Variants in ALK observed in about 807,000 individuals in gnomAD.
ALK encodes ALK receptor tyrosine kinase.
In ALK, 74 loss-of-function variants were observed where a neutral mutation model predicts 163.1. The observed-to-expected ratio is 0.45, with a 90% confidence interval of 0.38 to 0.55. The LOEUF is 0.55. ALK is among the 20% of genes least tolerant of loss of function. ALK has a pLI of 0.00. For synonymous variants in ALK, 960 were observed against 843.2 expected, an observed-to-expected ratio of 1.14 and a Z score of -2.40; for missense variants, 2,063 against 2,105.3, an observed-to-expected ratio of 0.98 and a Z score of 0.39.
intron 1 of ALK, among the ~76,000 whole-genome samples, chr2:29,808,000 G>T (rs771230312): frequency 6.6e-6 from 1 of 152,178 alleles, no homozygotes; most frequent in Admixed American, 6.5e-5. Flanking sequence ...GCAAGCTTCA[G>T]GCTTAGAGAC....
chr2:29,775,550 A>C (rs1425988110), intron 1 of ALK, among the ~76,000 whole-genome samples: 2 of 151,564 alleles, frequency 1.3e-5, no homozygotes, highest in Non-Finnish European at 2.9e-5. Flanking sequence ...AAAAAAAAAA[A>C]CAAAAACAAA....
intron 3 of ALK, among the ~76,000 whole-genome samples, chr2:29,573,599 G>A (rs926762748): frequency 4.6e-5 from 7 of 152,116 alleles, no homozygotes; most frequent in Admixed American, 3.3e-4. Context: ...CTGGAACACC[G>A]TCAGGCCCAT....
At chr2:29,422,571 T>C (rs546356300) in intron 4 of ALK, among the ~76,000 whole-genome samples, 19 of 152,378 alleles carry the variant, frequency 1.2e-4, no homozygotes, top group African/African-American at 3.8e-4. Flanking sequence ...GACTCTCTAT[T>C]TTCTGTCTTC....
intron 4 of ALK, among the ~76,000 whole-genome samples, chr2:29,496,487 T>C (rs1672027591): frequency 6.6e-6 from 1 of 152,224 alleles, no homozygotes; most frequent in South Asian, 2.1e-4. Flanking sequence ...TGTTTTTTAA[T>C]GACAGTTTTC....
intron 4 of ALK, among the ~76,000 whole-genome samples, chr2:29,493,124 T>A (rs1671941739): frequency 6.6e-6 from 1 of 152,194 alleles, no homozygotes; most frequent in African/African-American, 2.4e-5. Context: ...TAAGTGGATT[T>A]ACACTTACTT....
At chr2:29,913,143 A>C (rs1172125859) in intron 1 of ALK, among the ~76,000 whole-genome samples, 1 of 152,094 alleles carries the variant, frequency 6.6e-6, no homozygotes. Flanking sequence ...AGAAAAAAAA[A>C]AGACTCTTAA....
intron 9 of ALK, among the ~76,000 whole-genome samples, chr2:29,290,212 C>T (rs781672936): frequency 6.6e-6 from 1 of 152,198 alleles, no homozygotes; most frequent in Non-Finnish European, 1.5e-5. Flanking sequence ...CCCTCTGGGC[C>T]TCTGTCTTTT....
At chr2:29,744,307 C>T (rs1024597036) in intron 1 of ALK, among the ~76,000 whole-genome samples, 1 of 152,196 alleles carries the variant, frequency 6.6e-6, no homozygotes, top group African/African-American at 2.4e-5. Flanking sequence ...GTGGGAGAGA[C>T]ACTATGGCAG....
chr2:29,247,008 C>T (rs1329078479), intron 12 of ALK, among the ~76,000 whole-genome samples: 1 of 152,240 alleles, frequency 6.6e-6, no homozygotes, highest in Non-Finnish European at 1.5e-5. Context: ...TCACCGCAGG[C>T]TCTGGCCACC....
chr2:29,520,208 T>C (rs75756979), intron 4 of ALK, among the ~76,000 whole-genome samples: 2 of 152,112 alleles, frequency 1.3e-5, no homozygotes, highest in Non-Finnish European at 2.9e-5. Flanking sequence ...AGGCCACAAA[T>C]GGAGATAACC....
intron 1 of ALK, among the ~76,000 whole-genome samples, chr2:29,737,492 G>T (rs563813501): frequency 1.3e-5 from 2 of 152,198 alleles, no homozygotes; most frequent in East Asian, 3.9e-4. Context: ...GTGCAGCATG[G>T]CAGCTAAGAA....
At chr2:29,233,166 A>G (rs2148184068) in intron 14 of ALK, among the ~76,000 whole-genome samples, 1 of 152,286 alleles carries the variant, frequency 6.6e-6, no homozygotes, top group African/African-American at 2.4e-5. Context: ...TTTTAGAGAC[A>G]GGGTCTTGCT....
At chr2:29,270,433 G>A (rs944710139) in intron 11 of ALK, among the ~76,000 whole-genome samples, 4 of 152,206 alleles carry the variant, frequency 2.6e-5, no homozygotes, top group Non-Finnish European at 5.9e-5. Flanking sequence ...GCGTGAAGAG[G>A]GAATGTGATG....
At chr2:29,845,938 T>C (rs1188273658) in intron 1 of ALK, among the ~76,000 whole-genome samples, 1 of 152,214 alleles carries the variant, frequency 6.6e-6, no homozygotes, top group Non-Finnish European at 1.5e-5. Flanking sequence ...TGCACAACTT[T>C]ATTTCCCATC....
intron 5 of ALK, among the ~76,000 whole-genome samples, chr2:29,373,185 A>G (rs911718768): frequency 2.6e-5 from 4 of 152,232 alleles, no homozygotes; most frequent in Non-Finnish European, 4.4e-5. Context: ...GCAATTGCAC[A>G]TTGAATACTA....
At chr2:29,556,791 C>T (rs572027731) in intron 3 of ALK, among the ~76,000 whole-genome samples, 98 of 152,306 alleles carry the variant, frequency 6.4e-4, no homozygotes, top group African/African-American at 2.2e-3. Context: ...TTTCTCAAGG[C>T]TTATTACTAG....
intron 8 of ALK, among the ~76,000 whole-genome samples, chr2:29,299,643 C>G (rs1342609847): frequency 6.6e-6 from 1 of 152,186 alleles, no homozygotes; most frequent in Non-Finnish European, 1.5e-5. Context: ...AGCATGGAGG[C>G]AGTGGGTGCT....
At chr2:29,872,695 CG>C (rs1666610861) in intron 1 of ALK, among the ~76,000 whole-genome samples, 1 of 152,306 alleles carries the variant, frequency 6.6e-6, no homozygotes, top group Admixed American at 6.5e-5. Context: ...CTACTGACTA[CG>C]TATCACTTTT....
intron 3 of ALK, among the ~76,000 whole-genome samples, chr2:29,624,675 C>A (rs1676142652): frequency 6.6e-6 from 1 of 152,174 alleles, no homozygotes; most frequent in Non-Finnish European, 1.5e-5. Flanking sequence ...ATGATCCGTG[C>A]AGCAAACCAC....
Sources: allele counts gnomAD v4.1 joint callset (sites outside exome capture counted in the v4.1 genomes callset), GRCh38; gene constraint gnomAD v4.1.1; transcripts MANE v1.5; gene names NCBI Gene and HGNC (gene_info 2026-07-23, HGNC 2026-07-21).